Variants in HMBOX1 observed in about 807,000 individuals in gnomAD.
The protein encoded by HMBOX1 is homeobox-containing protein 1.
A neutral mutation model predicts 54.5 loss-of-function variants in HMBOX1; 14 were observed. The observed-to-expected ratio is 0.26, with a 90% CI of 0.17 to 0.40. The LOEUF (loss-of-function observed/expected upper bound fraction) is 0.40. HMBOX1 is among the 10% of genes least tolerant of loss of function. HMBOX1 has a pLI of 1.00. For missense variants in HMBOX1, 332 were observed against 514.4 expected, an observed-to-expected ratio of 0.65 and a Z score of 3.43; for synonymous variants, 160 against 181.0, an observed-to-expected ratio of 0.88 and a Z score of 0.93.
intron 6 of HMBOX1, among the ~76,000 whole-genome samples, chr8:29,032,426 A>G (rs1803137167): frequency 6.6e-6 from 1 of 152,164 alleles, no homozygotes; most frequent in Admixed American, 6.5e-5. Context: ...AACATCTTGA[A>G]ATTCCAGTCA....
chr8:29,053,152 G>A lies in HMBOX1; in HGVS notation c.*1997G>A, dbSNP rs1023177776. 1.3e-5 allele frequency: 2 copies of A among 152,380 alleles called. No homozygotes were observed. Among genetic ancestry groups the A allele is most frequent in the African/African-American group, 4.8e-5 (2 of 41,454 alleles). The allele number at this position is 152,380 out of a possible 1,614,324, so 9.4% of individuals were successfully genotyped here. On this transcript the variant is annotated 3_prime_UTR_variant, in exon 10 of 10. Coordinates refer to ENST00000287701, the MANE Select transcript of HMBOX1 (RefSeq NM_001135726.3). The stretch of plus-strand genomic sequence containing the variant: ...GGAAAGTCTTTGAGAGGGCATGAAA[G>A]TGCCACCTTATATATGTCTGTGACT...
At position 28,896,460 on chromosome 8, in the gene HMBOX1, C is replaced by T. The variant is rs1471119180; in HGVS notation, c.-58+5782C>T. ...AAGATTGAATGATTCTCCTCCTCTTCATAAGTTCTGTTGTTTTGTCAATAT... is the reference window on the plus strand; with the variant it reads ...AAGATTGAATGATTCTCCTCCTCTTTATAAGTTCTGTTGTTTTGTCAATAT... On this transcript the variant is annotated intron_variant, in intron 1 of 9. Transcript: ENST00000287701. 2.4e-5 allele frequency among the ~76,000 whole-genome samples: 3 copies of T among 125,536 alleles called. 1 individual carries two copies. Among genetic ancestry groups the T allele is most frequent in the Non-Finnish European group, 5.9e-5 (3 of 51,190 alleles). 82.4% of individuals were successfully genotyped at this position (125,536 alleles called of 152,430 possible).
chr8:28,985,357 A>G (rs941848661), intron 4 of HMBOX1, among the ~76,000 whole-genome samples: 8 of 152,140 alleles, frequency 5.3e-5, no homozygotes, highest in Non-Finnish European at 1.0e-4. Flanking sequence ...TAAGGATTCA[A>G]CTCACATCAC....
chr8:29,008,905 T>C (rs1165994329), intron 4 of HMBOX1, among the ~76,000 whole-genome samples, 167 bp from the exon 5 acceptor site: 2 of 152,230 alleles, frequency 1.3e-5, no homozygotes, highest in East Asian at 3.8e-4. Context: ...TCCTAGCCAG[T>C]GCAGTCAGTC....
chr8:28,980,216 A>T (rs1829112073), intron 4 of HMBOX1, 60 bp downstream of exon 4: 2 of 1,199,172 alleles, frequency 1.7e-6, no homozygotes, highest in South Asian at 1.2e-5. Flanking sequence ...TCTGGTGCAG[A>T]TGTTGGAATA....
rs567534533 is a variant in HMBOX1, at chr8:28,912,508, C to A, written c.-58+21830C>A. Among the ~76,000 whole-genome samples, 6 of 152,240 alleles carry A rather than the reference C, an allele frequency of 3.9e-5. No homozygotes were observed. In the East Asian group the frequency reaches 1.2e-3, roughly 29 times the overall value. On this transcript the variant is annotated intron_variant, in intron 1 of 9. Transcript: ENST00000287701. ...TCAATCCACCAGAATCTGGTGTATA[C>A]CCTCATTAATCTCCAAAACTCTTTT...
Position 29,051,218 on chromosome 8 carries a change from C to A in HMBOX1, c.*63C>A. 2 of 1,552,446 alleles carry A rather than the reference C, an allele frequency of 1.3e-6. No homozygotes were observed. Among genetic ancestry groups the A allele is most frequent in the Non-Finnish European group, 1.8e-6 (2 of 1,135,118 alleles). On this transcript the variant is annotated 3_prime_UTR_variant, in exon 10 of 10. Transcript: ENST00000287701. ...ACGTAGCACCTTAGCAGACTTTCCTCGGTCCTTAACATGTGTTCTTACAGT... is the reference window on the plus strand; with the variant it reads ...ACGTAGCACCTTAGCAGACTTTCCTAGGTCCTTAACATGTGTTCTTACAGT...
chr8:28,923,112 G>C (rs1220581916), intron 1 of HMBOX1, among the ~76,000 whole-genome samples: 2 of 152,126 alleles, frequency 1.3e-5, no homozygotes, highest in Non-Finnish European at 2.9e-5. Flanking sequence ...ACCACTGTCT[G>C]GTTCAGAAGT....
chr8:28,940,585 C>G (rs1181983720), intron 1 of HMBOX1, among the ~76,000 whole-genome samples: 2 of 152,174 alleles, frequency 1.3e-5, no homozygotes, highest in African/African-American at 4.8e-5. Context: ...GTTCCTGGAA[C>G]ACAGTTGTTG....
chr8:28,913,714 C>T (rs1273310267), intron 1 of HMBOX1, among the ~76,000 whole-genome samples: 2 of 152,134 alleles, frequency 1.3e-5, no homozygotes, highest in Admixed American at 6.6e-5. Flanking sequence ...TTAGTAACGT[C>T]TGCTAAGTGA....
chr8:28,943,088 A>C (rs1349641439), intron 1 of HMBOX1, among the ~76,000 whole-genome samples: 2 of 152,222 alleles, frequency 1.3e-5, no homozygotes, highest in African/African-American at 4.8e-5. Flanking sequence ...CAATATGAAT[A>C]AGTAGACCAG....
At chr8:28,990,619 TTC>T (rs1027663207) in intron 4 of HMBOX1, among the ~76,000 whole-genome samples, 2 of 152,116 alleles carry the variant, frequency 1.3e-5, no homozygotes, top group Admixed American at 6.6e-5. Flanking sequence ...ACTTCCTGTG[TTC>T]TTTCTATTTT....
At chr8:29,048,649 G>T in intron 8 of HMBOX1, 1 of 245,156 alleles carries the variant, frequency 4.1e-6, no homozygotes, top group Non-Finnish European at 8.0e-6. Flanking sequence ...TTATTCATCA[G>T]TACAGTTCTC....
At chr8:29,031,441 C>T (rs992864286) in intron 6 of HMBOX1, among the ~76,000 whole-genome samples, 13 of 151,000 alleles carry the variant, frequency 8.6e-5, no homozygotes, top group East Asian at 5.8e-4. Context: ...ATTATAATAA[C>T]GTAAAAAGCC....
intron 1 of HMBOX1, among the ~76,000 whole-genome samples, chr8:28,905,537 T>G (rs1814164384): frequency 6.6e-6 from 1 of 152,264 alleles, no homozygotes; most frequent in Non-Finnish European, 1.5e-5. Flanking sequence ...TGCTCTTCAC[T>G]CTTGATTTAT....
At chr8:28,922,252 A>C (rs1384605458) in intron 1 of HMBOX1, among the ~76,000 whole-genome samples, 1 of 152,208 alleles carries the variant, frequency 6.6e-6, no homozygotes, top group Admixed American at 6.5e-5. Flanking sequence ...TAAGTAATCT[A>C]GAGATGCTTT....
At chr8:28,991,871 C>CT (rs1267051772) in intron 4 of HMBOX1, among the ~76,000 whole-genome samples, 1 of 152,098 alleles carries the variant, frequency 6.6e-6, no homozygotes, top group East Asian at 1.9e-4. Context: ...AGCTAACCTT[C>CT]TTTTTTTAGG....
At chr8:28,933,434 T>C (rs1373726069) in intron 1 of HMBOX1, among the ~76,000 whole-genome samples, 1 of 152,054 alleles carries the variant, frequency 6.6e-6, no homozygotes, top group Non-Finnish European at 1.5e-5. Context: ...AAACCCAAAG[T>C]AAACAGAGGG....
intron 6 of HMBOX1, among the ~76,000 whole-genome samples, chr8:29,040,066 C>A (rs890718349): frequency 5.3e-5 from 8 of 152,084 alleles, no homozygotes; most frequent in Non-Finnish European, 7.4e-5. Context: ...GCCTGTGCAC[C>A]CCTCAGAAGC....
Sources: gnomAD v4.1 joint callset for allele counts (sites outside exome capture counted in the v4.1 genomes callset) on GRCh38, gnomAD v4.1.1 for gene constraint, MANE v1.5 for transcripts, NCBI Gene and HGNC (gene_info 2026-07-23, HGNC 2026-07-21) for gene names.